Variants in KCNJ6 observed in about 807,000 individuals in gnomAD.
KCNJ6 encodes the protein G protein-activated inward rectifier potassium channel 2.
Under a neutral mutation model 34.2 loss-of-function variants are expected in KCNJ6, and 9 were observed. The observed-to-expected ratio is 0.26, with a 90% CI of 0.16 to 0.46. The LOEUF (loss-of-function observed/expected upper bound fraction) is 0.46. Among genes scored for constraint, KCNJ6 ranks in the 20% least tolerant of loss-of-function variants. KCNJ6 has a pLI of 1.00. For synonymous variants in KCNJ6, 196 were observed against 207.1 expected (o/e 0.95, Z 0.46); for missense variants, 236 against 531.3 (o/e 0.44, Z 5.46).
intron 2 of KCNJ6, among the ~76,000 whole-genome samples, chr21:37,806,058 A>G (rs929659199): frequency 7.2e-5 from 11 of 152,220 alleles, no homozygotes; most frequent in Non-Finnish European, 1.2e-4. Flanking sequence ...GAAATCTGGC[A>G]CACGGAAGCC....
intron 3 of KCNJ6, among the ~76,000 whole-genome samples, chr21:37,647,016 G>A (rs1205859115): frequency 6.6e-6 from 1 of 152,188 alleles, no homozygotes; most frequent in Non-Finnish European, 1.5e-5. Context: ...TTCCAAGGTG[G>A]TGGAAATAGA....
intron 2 of KCNJ6, among the ~76,000 whole-genome samples, chr21:37,775,341 G>A (rs2123507029): frequency 6.6e-6 from 1 of 152,286 alleles, no homozygotes; most frequent in East Asian, 1.9e-4. Context: ...CTGTGCAGAA[G>A]CTCTTTAGTT....
intron 3 of KCNJ6, among the ~76,000 whole-genome samples, chr21:37,628,886 A>G (rs1204304458): frequency 6.6e-6 from 1 of 152,216 alleles, no homozygotes; most frequent in African/African-American, 2.4e-5. Flanking sequence ...ATGAGAAGAC[A>G]TTATTAAAAG....
chr21:37,873,210 G>A (rs979369228), intron 1 of KCNJ6, among the ~76,000 whole-genome samples: 1 of 152,160 alleles, frequency 6.6e-6, no homozygotes, highest in Non-Finnish European at 1.5e-5. Context: ...TGCATGCGCT[G>A]CAGTCGTTTC....
intron 2 of KCNJ6, among the ~76,000 whole-genome samples, chr21:37,762,903 G>A (rs1012574746): frequency 1.2e-4 from 19 of 152,296 alleles, no homozygotes; most frequent in African/African-American, 4.1e-4. Context: ...TGGGCAGCCC[G>A]GGGGTAAGAA....
intron 1 of KCNJ6, among the ~76,000 whole-genome samples, chr21:37,880,296 A>C (rs57529859): frequency 0.29 from 44,722 of 152,108 alleles, 8,327 homozygotes; most frequent in African/African-American, 0.54. Flanking sequence ...TCCAGGAAAA[A>C]AGGAGTCACA....
At chr21:37,858,001 C>T (rs1374243802) in intron 1 of KCNJ6, among the ~76,000 whole-genome samples, 3 of 151,998 alleles carry the variant, frequency 2.0e-5, no homozygotes, top group Non-Finnish European at 4.4e-5. Flanking sequence ...AAATGACAGA[C>T]ATGGAAGACA....
intron 2 of KCNJ6, among the ~76,000 whole-genome samples, chr21:37,789,435 G>A (rs1293750240): frequency 6.6e-6 from 1 of 151,962 alleles, no homozygotes; most frequent in Non-Finnish European, 1.5e-5. Context: ...CCATCTGCAA[G>A]CTAGAGAGAG....
intron 2 of KCNJ6, among the ~76,000 whole-genome samples, chr21:37,821,258 A>T (rs1016036730): frequency 2.6e-5 from 4 of 152,222 alleles, no homozygotes; most frequent in African/African-American, 9.7e-5. Flanking sequence ...AGTAAACGTT[A>T]CCTACATTGT....
chr21:37,719,139 G>C (rs139117200), intron 2 of KCNJ6, among the ~76,000 whole-genome samples: 1 of 152,144 alleles, frequency 6.6e-6, no homozygotes. Context: ...TGGGGTATGG[G>C]GTGGGTGAGA....
chr21:37,799,486 G>A (rs2835965), intron 2 of KCNJ6, among the ~76,000 whole-genome samples: 11 of 151,966 alleles, frequency 7.2e-5, no homozygotes, highest in Admixed American at 6.5e-4. Flanking sequence ...CTTTCACTCC[G>A]TTGAGCAAAG....
intron 2 of KCNJ6, among the ~76,000 whole-genome samples, chr21:37,726,438 T>C (rs1367777639): frequency 1.3e-5 from 2 of 152,190 alleles, no homozygotes; most frequent in East Asian, 1.9e-4. Flanking sequence ...ACGTGGTACA[T>C]GGAGTAGGGC....
chr21:37,668,636 T>C (rs1203035381), intron 3 of KCNJ6, among the ~76,000 whole-genome samples: 1 of 152,214 alleles, frequency 6.6e-6, no homozygotes, highest in Non-Finnish European at 1.5e-5. Context: ...TCCGGAGGCC[T>C]GTGTCTTCCT....
At chr21:37,840,515 T>C in intron 2 of KCNJ6, 143 bp downstream of exon 2, 1 of 604,012 alleles carries the variant, frequency 1.7e-6, no homozygotes. Flanking sequence ...ATCAACATGA[T>C]GCAGTGTGTG....
intron 1 of KCNJ6, among the ~76,000 whole-genome samples, chr21:37,884,201 G>T (rs2055723794): frequency 6.6e-6 from 1 of 152,122 alleles, no homozygotes; most frequent in South Asian, 2.1e-4. Flanking sequence ...TGTCGTCAGG[G>T]CTCTATGGAT....
chr21:37,618,558 A>G lies in KCNJ6; in HGVS notation c.*6601T>C, dbSNP rs1385875830. The stretch of plus-strand genomic sequence containing the variant: ...CAGTATTGATGATCGGTGTTAAAAC[A>G]ATGGGCACTGAGCCTTAATCTTGAA... On this transcript the variant is annotated 3_prime_UTR_variant, in exon 4 of 4. Transcript: ENST00000609713. 6.6e-6 allele frequency: 1 copy of G among 152,236 alleles called. No homozygotes were observed. The highest frequency in any genetic ancestry group is 1.5e-5 in the Non-Finnish European group (1 of 68,040). The allele number at this position is 152,236 out of a possible 1,614,324, so 9.4% of individuals were successfully genotyped here.
intron 2 of KCNJ6, among the ~76,000 whole-genome samples, chr21:37,793,251 C>T (rs999638507): frequency 6.6e-6 from 1 of 152,130 alleles, no homozygotes. Flanking sequence ...CAGGTTATTT[C>T]ATTTACATAT....
intron 3 of KCNJ6, among the ~76,000 whole-genome samples, chr21:37,648,370 A>G (rs1391766311): frequency 6.6e-6 from 1 of 152,168 alleles, no homozygotes; most frequent in Non-Finnish European, 1.5e-5. Flanking sequence ...CGGAAAGATG[A>G]TGGGGAAAGC....
At chr21:37,694,659 T>G (rs2054656170) in intron 3 of KCNJ6, among the ~76,000 whole-genome samples, 2 of 152,304 alleles carry the variant, frequency 1.3e-5, no homozygotes, top group Middle Eastern at 3.4e-3. Context: ...TCTGATTTGG[T>G]CCAAGAAGAA....
Sources: allele counts gnomAD v4.1 joint callset (sites outside exome capture counted in the v4.1 genomes callset), GRCh38; gene constraint gnomAD v4.1.1; transcripts MANE v1.5; gene names NCBI Gene and HGNC (gene_info 2026-07-23, HGNC 2026-07-21).